Variants in CDH13 observed in about 807,000 individuals in gnomAD.
CDH13 encodes cadherin 13.
In CDH13, 24 loss-of-function variants were observed where a neutral mutation model predicts 63.8. That is an observed-to-expected ratio of 0.38 (90% CI 0.27 to 0.53). The LOEUF (loss-of-function observed/expected upper bound fraction) is 0.53. Ranked by LOEUF, CDH13 falls within the 20% of genes least tolerant of loss-of-function variation. The probability of loss-of-function intolerance (pLI) is 0.85; values close to 1 mark genes in which losing one functional copy is unlikely to be tolerated. For synonymous variants in CDH13, 503 were observed against 355.3 expected (o/e 1.42, Z -4.67); for missense variants, 1,049 against 903.1 (o/e 1.16, Z -2.07).
At chr16:83,058,152 A>G (rs1045254476) in intron 3 of CDH13, among the ~76,000 whole-genome samples, 1 of 152,154 alleles carries the variant, frequency 6.6e-6, no homozygotes, top group Non-Finnish European at 1.5e-5. Flanking sequence ...GTTGAACTTC[A>G]TGAGTTACGT....
At chr16:82,917,024 A>G (rs1164051585) in intron 2 of CDH13, among the ~76,000 whole-genome samples, 3 of 152,230 alleles carry the variant, frequency 2.0e-5, no homozygotes, top group East Asian at 3.8e-4. Flanking sequence ...GATCGTTGAC[A>G]AACATAAGGA....
chr16:83,394,030 G>A (rs150438470), intron 6 of CDH13, among the ~76,000 whole-genome samples: 10 of 152,240 alleles, frequency 6.6e-5, no homozygotes, highest in Non-Finnish European at 5.9e-5. Context: ...CTCGTAAGTG[G>A]GAGCTAAATG....
intron 5 of CDH13, among the ~76,000 whole-genome samples, chr16:83,270,413 G>T (rs2088766924): frequency 6.6e-6 from 1 of 152,172 alleles, no homozygotes; most frequent in African/African-American, 2.4e-5. Flanking sequence ...TGGCATCTGA[G>T]AATTACAACC....
chr16:83,608,388 A>G (rs943473772), intron 8 of CDH13, among the ~76,000 whole-genome samples: 2 of 152,218 alleles, frequency 1.3e-5, no homozygotes, highest in African/African-American at 4.8e-5. Flanking sequence ...TTATCAAATG[A>G]ATGCTGGAGT....
chr16:83,465,761 T>C (rs894193750), intron 6 of CDH13, among the ~76,000 whole-genome samples: 2 of 152,204 alleles, frequency 1.3e-5, no homozygotes, highest in African/African-American at 4.8e-5. Flanking sequence ...TTGCCTCTTT[T>C]ACTCTTCTGG....
chr16:83,063,051 T>A (rs1260187400), intron 3 of CDH13, among the ~76,000 whole-genome samples: 4 of 151,268 alleles, frequency 2.6e-5, no homozygotes, highest in Non-Finnish European at 4.4e-5. Context: ...AACCTCTGAC[T>A]TCCAGGTTCA....
intron 1 of CDH13, among the ~76,000 whole-genome samples, chr16:82,819,907 G>C (rs1208443146): frequency 6.6e-6 from 1 of 152,166 alleles, no homozygotes; most frequent in Non-Finnish European, 1.5e-5. Flanking sequence ...AGAAAAAGCA[G>C]AGCCGAATGA....
chr16:83,276,663 G>A (rs1242922378), intron 5 of CDH13, among the ~76,000 whole-genome samples: 1 of 152,148 alleles, frequency 6.6e-6, no homozygotes, highest in Non-Finnish European at 1.5e-5. Flanking sequence ...GAGTTCGGGA[G>A]ATCGAGACCA....
chr16:82,872,663 G>A (rs978014704), intron 2 of CDH13, among the ~76,000 whole-genome samples: 12 of 152,152 alleles, frequency 7.9e-5, no homozygotes, highest in African/African-American at 2.4e-4. Flanking sequence ...AATTTTTTTG[G>A]CTTGAGAGCA....
intron 7 of CDH13, among the ~76,000 whole-genome samples, chr16:83,497,198 A>G (rs912173959): frequency 6.6e-6 from 1 of 152,092 alleles, no homozygotes; most frequent in African/African-American, 2.4e-5. Flanking sequence ...GCTGCTATAA[A>G]GACACATGCA....
At position 83,028,642 on chromosome 16, in the gene CDH13, G is replaced by A. The variant is rs553476232; in HGVS notation, c.158-3368G>A. Among the ~76,000 whole-genome samples the A allele has an allele frequency of 9.2e-5, 14 of 152,284 alleles. No homozygotes were observed. In the South Asian group the frequency reaches 1.9e-3, roughly 20 times the overall value. On this transcript the variant is annotated intron_variant, in intron 2 of 13. Coordinates refer to ENST00000567109, the MANE Select transcript of CDH13 (RefSeq NM_001257.5). ...CCTATACATACATAGCTATGTTAAA[G>A]TTTAATTTACAAATTGGGCACAGTA...
chr16:83,245,744 A>C (rs192203852), intron 5 of CDH13, among the ~76,000 whole-genome samples: 1 of 151,926 alleles, frequency 6.6e-6, no homozygotes, highest in Non-Finnish European at 1.5e-5. Context: ...ATTTTAGTTT[A>C]TTTTTATTTT....
At chr16:82,847,057 C>T (rs1215540095) in intron 1 of CDH13, among the ~76,000 whole-genome samples, 2 of 152,144 alleles carry the variant, frequency 1.3e-5, no homozygotes, top group Non-Finnish European at 2.9e-5. Context: ...CCCACCTCGC[C>T]TTCAAATTCC....
chr16:83,120,693 C>G (rs955988765), intron 3 of CDH13, among the ~76,000 whole-genome samples: 1 of 151,546 alleles, frequency 6.6e-6, no homozygotes, highest in African/African-American at 2.4e-5. Flanking sequence ...CCACCCTTAA[C>G]AAACCAACAG....
chr16:83,687,722 C>T (rs1598480796), intron 10 of CDH13, among the ~76,000 whole-genome samples: 2 of 152,160 alleles, frequency 1.3e-5, no homozygotes, highest in Admixed American at 6.5e-5. Context: ...GAAGGGTAGC[C>T]AGTGCTAGCA....
At chr16:83,488,431 A>G (rs1036224194) in intron 7 of CDH13, among the ~76,000 whole-genome samples, 1 of 152,232 alleles carries the variant, frequency 6.6e-6, no homozygotes, top group Non-Finnish European at 1.5e-5. Context: ...ATAAGCTGTG[A>G]GAAACAGAAG....
intron 4 of CDH13, among the ~76,000 whole-genome samples, chr16:83,186,549 T>C (rs148743969): frequency 1.1e-3 from 162 of 152,294 alleles, no homozygotes; most frequent in African/African-American, 3.4e-3. Context: ...GTTATTGTTT[T>C]GTTTTTCTTT....
intron 5 of CDH13, among the ~76,000 whole-genome samples, chr16:83,218,538 G>A (rs1476556088): frequency 2.6e-5 from 4 of 152,218 alleles, no homozygotes; most frequent in Non-Finnish European, 5.9e-5. Context: ...GGCCTTGACA[G>A]TAACCAGAGG....
At chr16:82,712,154 A>G (rs571513536) in intron 1 of CDH13, among the ~76,000 whole-genome samples, 121 of 152,340 alleles carry the variant, frequency 7.9e-4, no homozygotes, top group African/African-American at 2.8e-3. Context: ...CATCTATTGA[A>G]TGTTCTACAG....
Sources: gnomAD v4.1 joint callset for allele counts (sites outside exome capture counted in the v4.1 genomes callset) on GRCh38, gnomAD v4.1.1 for gene constraint, MANE v1.5 for transcripts, NCBI Gene and HGNC (gene_info 2026-07-23, HGNC 2026-07-21) for gene names.